KLF8: variants seen among roughly 807,000 people sequenced by gnomAD.
KLF8 encodes the protein KLF transcription factor 8.
KLF8 carries 10 observed loss-of-function variants against 18.2 expected under a neutral mutation model. The observed-to-expected ratio is 0.55, with a 90% CI of 0.34 to 0.93. The LOEUF (loss-of-function observed/expected upper bound fraction) is 0.93, where lower values mean the gene tolerates loss of function less well. Ranked by LOEUF, KLF8 falls within the 40% of genes least tolerant of loss-of-function variation. KLF8 has a pLI of 0.02. For synonymous variants in KLF8, 109 were observed against 97.3 expected (o/e 1.12, Z -0.71); for missense variants, 264 against 277.9 (o/e 0.95, Z 0.36).
chrX:55,967,829 C>T, the KLF8 span, among the ~76,000 whole-genome samples: 1 of 111,254 alleles, frequency 9.0e-6, no homozygotes, highest in South Asian at 3.8e-4. Flanking sequence ...ATAGACAGTA[C>T]AATAAGATAT....
chrX:56,206,891 TC>T, the KLF8 span, among the ~76,000 whole-genome samples: 1 of 112,562 alleles, frequency 8.9e-6, no homozygotes, highest in African/African-American at 3.2e-5. Context: ...TGCCTGGACA[TC>T]CAAGCATTTC....
At chrX:56,211,822 T>C in the KLF8 span, among the ~76,000 whole-genome samples, 3 of 110,891 alleles carry the variant, frequency 2.7e-5, no homozygotes, top group African/African-American at 9.8e-5. Context: ...TGTCTGTCTG[T>C]GGCCATGCTG....
the KLF8 span, among the ~76,000 whole-genome samples, chrX:55,925,206 ACTC>A: frequency 2.2e-5 from 2 of 89,179 alleles, no homozygotes; most frequent in Non-Finnish European, 4.3e-5. Context: ...CAACTTTTGT[ACTC>A]CAAGTGTTCT....
chrX:56,060,300 A>T, the KLF8 span, among the ~76,000 whole-genome samples: 2 of 111,963 alleles, frequency 1.8e-5, no homozygotes, highest in South Asian at 7.5e-4. Context: ...TTTCCCATTC[A>T]GTATGATATG....
the KLF8 span, among the ~76,000 whole-genome samples, chrX:56,137,722 T>C: frequency 1.9e-5 from 2 of 105,883 alleles, no homozygotes; most frequent in South Asian, 4.3e-4. Context: ...CTGCACAATG[T>C]GCACATGTAC....
chrX:56,269,177 C>A (rs1197886208), intron 3 of KLF8: 2 of 1,010,713 alleles, frequency 2.0e-6, no homozygotes, highest in East Asian at 7.7e-5. Flanking sequence ...AAAGGCATTT[C>A]TGTTCCCTGC....
At chrX:56,210,294 T>C in the KLF8 span, among the ~76,000 whole-genome samples, 2 of 112,169 alleles carry the variant, frequency 1.8e-5, no homozygotes, top group African/African-American at 6.5e-5. Context: ...GTCTGAAAGA[T>C]ACTTTCACTA....
the KLF8 span, among the ~76,000 whole-genome samples, chrX:55,940,729 C>T: frequency 4.5e-5 from 5 of 111,228 alleles, no homozygotes; most frequent in African/African-American, 1.6e-4. Context: ...TCTTATACAC[C>T]AGTAACAGAC....
At chrX:56,075,003 A>G in the KLF8 span, among the ~76,000 whole-genome samples, 3 of 110,762 alleles carry the variant, frequency 2.7e-5, no homozygotes, top group African/African-American at 9.8e-5. Context: ...TATATGGAGT[A>G]CATGATGTGT....
At chrX:56,017,109 G>A in the KLF8 span, among the ~76,000 whole-genome samples, 1 of 111,903 alleles carries the variant, frequency 8.9e-6, no homozygotes, top group Non-Finnish European at 1.9e-5. Flanking sequence ...TCTGTTTCCT[G>A]CTCCCAACCT....
chrX:56,289,424 A>G lies in KLF8; in HGVS notation c.*4930A>G, dbSNP rs1203402731. Among the ~76,000 whole-genome samples the G allele has an allele frequency of 8.9e-6, 1 of 111,858 alleles. No homozygotes were observed. The highest frequency in any genetic ancestry group is 1.9e-5 in the Non-Finnish European group (1 of 53,188). ...CAATATCTGGGCATTAGGTATGTTCATTGTTACTGGGCTATTGTTGCTTCT... is the reference window on the plus strand; with the variant it reads ...CAATATCTGGGCATTAGGTATGTTCGTTGTTACTGGGCTATTGTTGCTTCT... On this transcript the variant is annotated 3_prime_UTR_variant, in exon 6 of 6. Transcript: ENST00000468660.
At chrX:55,925,439 C>T in the KLF8 span, among the ~76,000 whole-genome samples, 1 of 110,711 alleles carries the variant, frequency 9.0e-6, no homozygotes, top group Non-Finnish European at 1.9e-5. Context: ...ACATATTATA[C>T]TGTCTTAACT....
At chrX:55,931,005 A>T in the KLF8 span, among the ~76,000 whole-genome samples, 141 of 111,814 alleles carry the variant, frequency 1.3e-3, 1 homozygote, top group African/African-American at 4.4e-3. Flanking sequence ...CTGTGAATCC[A>T]TCTGGTCCTG....
At chrX:56,076,797 C>T in the KLF8 span, among the ~76,000 whole-genome samples, 1 of 111,793 alleles carries the variant, frequency 8.9e-6, no homozygotes, top group Non-Finnish European at 1.9e-5. Context: ...TCCTCTCCAG[C>T]ACATGTTGTT....
chrX:56,262,829 G>A (rs1308082974), intron 2 of KLF8, among the ~76,000 whole-genome samples: 8 of 110,349 alleles, frequency 7.2e-5, no homozygotes, highest in Non-Finnish European at 1.5e-4. Flanking sequence ...TACCATGTTG[G>A]CCAGGCTGGT....
At chrX:56,017,167 T>A in the KLF8 span, among the ~76,000 whole-genome samples, 1 of 112,295 alleles carries the variant, frequency 8.9e-6, no homozygotes, top group Admixed American at 9.4e-5. Flanking sequence ...CTATATGTTT[T>A]TATTTGTTAT....
chrX:56,208,172 C>A, the KLF8 span, among the ~76,000 whole-genome samples: 1 of 111,522 alleles, frequency 9.0e-6, no homozygotes, highest in Admixed American at 9.5e-5. Flanking sequence ...GAAGACACAG[C>A]TAAACCATAT....
the KLF8 span, among the ~76,000 whole-genome samples, chrX:56,051,043 G>C: frequency 1.6e-4 from 18 of 109,655 alleles, no homozygotes; most frequent in Non-Finnish European, 2.7e-4. Flanking sequence ...TGTCTCTTTT[G>C]ATCTTTGTTG....
At chrX:56,185,502 C>A in the KLF8 span, among the ~76,000 whole-genome samples, 56 of 111,301 alleles carry the variant, frequency 5.0e-4, no homozygotes, top group Non-Finnish European at 9.2e-4. Context: ...GGCCAACATT[C>A]AGATTCAGGA....
Sources: allele counts gnomAD v4.1 joint callset (sites outside exome capture counted in the v4.1 genomes callset), GRCh38; gene constraint gnomAD v4.1.1; transcripts MANE v1.5; gene names NCBI Gene and HGNC (gene_info 2026-07-23, HGNC 2026-07-21).